Variants in HECW1 observed in about 807,000 individuals in gnomAD.
The protein encoded by HECW1 is HECT, C2 and WW domain containing E3 ubiquitin protein ligase 1.
A neutral mutation model predicts 182.3 loss-of-function variants in HECW1; 61 were observed. That is an observed-to-expected ratio of 0.33 (90% CI 0.27 to 0.41). HECW1 has a LOEUF of 0.41. Ranked by LOEUF, HECW1 falls within the 10% of genes least tolerant of loss-of-function variation. HECW1 has a pLI of 1.00. For missense variants in HECW1, 1,739 were observed against 2,108.9 expected, an observed-to-expected ratio of 0.82 and a Z score of 3.44; for synonymous variants, 859 against 832.6, an observed-to-expected ratio of 1.03 and a Z score of -0.55.
At chr7:43,127,041 A>T (rs1300905075) in intron 2 of HECW1, among the ~76,000 whole-genome samples, 1 of 152,190 alleles carries the variant, frequency 6.6e-6, no homozygotes, top group Non-Finnish European at 1.5e-5. Context: ...TGGAAGGGAG[A>T]GTCTCATGTC....
At chr7:43,275,833 G>A (rs1420526562) in intron 3 of HECW1, among the ~76,000 whole-genome samples, 3 of 150,938 alleles carry the variant, frequency 2.0e-5, no homozygotes, top group African/African-American at 7.3e-5. Context: ...GCTTTACAGA[G>A]TTTTGCCAAT....
intron 5 of HECW1, among the ~76,000 whole-genome samples, chr7:43,358,449 G>A (rs1376782771): frequency 2.6e-5 from 4 of 152,090 alleles, no homozygotes; most frequent in Non-Finnish European, 5.9e-5. Flanking sequence ...GAACTATCGA[G>A]AAAGTGACTC....
At chr7:43,229,857 C>T (rs944552376) in intron 2 of HECW1, among the ~76,000 whole-genome samples, 1 of 152,212 alleles carries the variant, frequency 6.6e-6, no homozygotes, top group African/African-American at 2.4e-5. Context: ...GAGTTGCCAT[C>T]ATCAGTGCAG....
At chr7:43,412,765 C>T (rs1476040739) in intron 8 of HECW1, among the ~76,000 whole-genome samples, 1 of 151,498 alleles carries the variant, frequency 6.6e-6, no homozygotes. Context: ...CATCCATGTC[C>T]CTACAAAGGA....
chr7:43,256,372 G>T (rs886516802), intron 3 of HECW1, among the ~76,000 whole-genome samples: 2 of 152,102 alleles, frequency 1.3e-5, no homozygotes, highest in Non-Finnish European at 2.9e-5. Context: ...CACTTTGGGA[G>T]GCCAAGGCAG....
At chr7:43,391,344 C>T (rs1041355468) in intron 6 of HECW1, among the ~76,000 whole-genome samples, 1 of 152,210 alleles carries the variant, frequency 6.6e-6, no homozygotes, top group Non-Finnish European at 1.5e-5. Flanking sequence ...CTCCCCAGTT[C>T]ATCTGTATCT....
chr7:43,282,445 A>G (rs1804038463), intron 3 of HECW1, among the ~76,000 whole-genome samples: 1 of 152,250 alleles, frequency 6.6e-6, no homozygotes, highest in Non-Finnish European at 1.5e-5. Flanking sequence ...CCCTATGGGC[A>G]TGTTTCTTGC....
Position 43,142,467 on chromosome 7 carries a change from A to T in HECW1, c.-32+28076A>T, listed in dbSNP as rs568969432. 6.6e-5 allele frequency among the ~76,000 whole-genome samples: 10 copies of T among 152,146 alleles called. No homozygotes were observed. In the East Asian group the frequency reaches 1.2e-3, roughly 18 times the overall value. ...GGGGGAAGTTACCTCCTCCCTTCCG[A>T]GGGTCGAGGGTGGGCTGCTGTGCCC... On this transcript the variant is annotated intron_variant, in intron 2 of 29. Coordinates refer to ENST00000395891, the MANE Select transcript of HECW1 (RefSeq NM_015052.5).
intron 24 of HECW1, among the ~76,000 whole-genome samples, chr7:43,524,910 A>T (rs993159362): frequency 2.6e-5 from 4 of 152,228 alleles, no homozygotes; most frequent in Non-Finnish European, 4.4e-5. Flanking sequence ...CAAGTCTCCA[A>T]ATTTCCCTGG....
intron 3 of HECW1, among the ~76,000 whole-genome samples, chr7:43,278,375 T>C (rs1803441216): frequency 6.6e-6 from 1 of 152,022 alleles, no homozygotes; most frequent in African/African-American, 2.4e-5. Context: ...AATCTGATCG[T>C]CTCTCGGCAC....
chr7:43,524,197 C>G (rs2080660289), intron 24 of HECW1, among the ~76,000 whole-genome samples: 2 of 152,128 alleles, frequency 1.3e-5, no homozygotes, highest in Admixed American at 6.6e-5. Context: ...GAAATTTTGC[C>G]TTAGATGTTA....
At chr7:43,204,276 T>TC (rs1795268068) in intron 2 of HECW1, among the ~76,000 whole-genome samples, 1 of 152,172 alleles carries the variant, frequency 6.6e-6, no homozygotes, top group African/African-American at 2.4e-5. Flanking sequence ...TCATGTAAAG[T>TC]TTGTTGAATA....
At chr7:43,383,819 C>G (rs1242402241) in intron 6 of HECW1, among the ~76,000 whole-genome samples, 1 of 92,684 alleles carries the variant, frequency 1.1e-5, no homozygotes, top group Non-Finnish European at 2.3e-5. Flanking sequence ...AACTAGAAGC[C>G]TTGCCAGTAA....
At chr7:43,548,214 A>C (rs972081115) in intron 26 of HECW1, among the ~76,000 whole-genome samples, 3 of 152,050 alleles carry the variant, frequency 2.0e-5, no homozygotes, top group Non-Finnish European at 2.9e-5. Context: ...TAGTATCTAC[A>C]TATATTTTAT....
intron 3 of HECW1, among the ~76,000 whole-genome samples, chr7:43,270,014 A>T (rs1802213536): frequency 6.6e-6 from 1 of 152,202 alleles, no homozygotes; most frequent in Admixed American, 6.5e-5. Context: ...CTGAAATAGG[A>T]ATGTCCACAT....
intron 26 of HECW1, among the ~76,000 whole-genome samples, chr7:43,546,553 C>A (rs547795777): frequency 1.2e-4 from 18 of 151,620 alleles, no homozygotes; most frequent in Non-Finnish European, 2.1e-4. Flanking sequence ...GGCAGGTAGA[C>A]CACTTTGATG....
At chr7:43,416,636 C>T (rs1166640237) in intron 8 of HECW1, among the ~76,000 whole-genome samples, 3 of 148,926 alleles carry the variant, frequency 2.0e-5, no homozygotes, top group East Asian at 3.9e-4. Flanking sequence ...GCCTCGCTGC[C>T]GCCTTGCAGT....
chr7:43,363,685 C>G (rs1271185054), intron 6 of HECW1, among the ~76,000 whole-genome samples: 1 of 152,184 alleles, frequency 6.6e-6, no homozygotes, highest in Non-Finnish European at 1.5e-5. Flanking sequence ...ACTGTATTTT[C>G]ACGGGCAATT....
intron 19 of HECW1, among the ~76,000 whole-genome samples, chr7:43,496,874 A>G (rs181386635): frequency 2.6e-4 from 40 of 152,294 alleles, no homozygotes; most frequent in African/African-American, 9.4e-4. Context: ...TGGTCCTTCA[A>G]CTAGTGCTTT....
Sources: allele counts gnomAD v4.1 joint callset (sites outside exome capture counted in the v4.1 genomes callset), GRCh38; gene constraint gnomAD v4.1.1; transcripts MANE v1.5; gene names NCBI Gene and HGNC (gene_info 2026-07-23, HGNC 2026-07-21).